Variants in NCKAP5 observed in about 807,000 individuals in gnomAD.
NCKAP5 encodes NCK associated protein 5, also known as nck-associated protein 5.
Under a neutral mutation model 167.0 loss-of-function variants are expected in NCKAP5, and 92 were observed. That is an observed-to-expected ratio of 0.55 (90% confidence interval 0.47 to 0.66). The LOEUF (loss-of-function observed/expected upper bound fraction) is 0.66, where lower values mean the gene tolerates loss of function less well. NCKAP5 is among the 30% of genes least tolerant of loss of function. The probability of loss-of-function intolerance (pLI) is 0.00; values close to 1 mark genes in which losing one functional copy is unlikely to be tolerated. For synonymous variants in NCKAP5, 891 were observed against 877.4 expected (o/e 1.02, Z -0.27); for missense variants, 2,378 against 2,315.0 (o/e 1.03, Z -0.56).
intron 8 of NCKAP5, among the ~76,000 whole-genome samples, chr2:132,894,843 A>G (rs1247417011): frequency 6.6e-6 from 1 of 152,120 alleles, no homozygotes; most frequent in Non-Finnish European, 1.5e-5. Flanking sequence ...GGTGAGCAGC[A>G]GTGGCTCAGG....
chr2:133,532,441 C>G (rs1227228464), intron 2 of NCKAP5, among the ~76,000 whole-genome samples: 1 of 152,160 alleles, frequency 6.6e-6, no homozygotes, highest in Non-Finnish European at 1.5e-5. Flanking sequence ...TGTACTGTAG[C>G]AATTTATACT....
chr2:133,144,374 T>C (rs1220112007), intron 5 of NCKAP5, among the ~76,000 whole-genome samples: 3 of 152,108 alleles, frequency 2.0e-5, no homozygotes, highest in Admixed American at 6.6e-5. Context: ...CAGCCATAGT[T>C]TGTGGACTCC....
At chr2:133,425,003 T>C (rs926587704) in intron 3 of NCKAP5, among the ~76,000 whole-genome samples, 3 of 152,228 alleles carry the variant, frequency 2.0e-5, no homozygotes, top group East Asian at 3.8e-4. Context: ...GAGAAGGCCA[T>C]AAAATATAGT....
chr2:133,222,399 T>C (rs2086694750), intron 4 of NCKAP5, among the ~76,000 whole-genome samples: 1 of 152,148 alleles, frequency 6.6e-6, no homozygotes, highest in Admixed American at 6.5e-5. Context: ...GTAACAAAAA[T>C]GACATCTGGA....
chr2:133,049,001 C>A (rs1466535890), intron 6 of NCKAP5, among the ~76,000 whole-genome samples: 1 of 152,144 alleles, frequency 6.6e-6, no homozygotes, highest in Admixed American at 6.5e-5. Flanking sequence ...AAACACACTA[C>A]GATCAACCAG....
intron 6 of NCKAP5, among the ~76,000 whole-genome samples, chr2:133,115,717 T>C (rs890705873): frequency 6.8e-6 from 1 of 146,394 alleles, no homozygotes; most frequent in Non-Finnish European, 1.5e-5. Context: ...TGTGTGGACA[T>C]ACACACATGT....
At chr2:132,693,018 C>T (rs1323917369) in intron 19 of NCKAP5, among the ~76,000 whole-genome samples, 3 of 152,166 alleles carry the variant, frequency 2.0e-5, no homozygotes, top group Non-Finnish European at 1.5e-5. Context: ...ACTGGCCTAC[C>T]AACTATTTCT....
chr2:133,452,774 C>T (rs2151202646), intron 3 of NCKAP5, among the ~76,000 whole-genome samples: 1 of 152,292 alleles, frequency 6.6e-6, no homozygotes, highest in South Asian at 2.1e-4. Context: ...CTTGTTTTTA[C>T]ATGCCCTCCC....
the NCKAP5 span, among the ~76,000 whole-genome samples, chr2:133,611,827 T>C: frequency 6.6e-6 from 1 of 152,178 alleles, no homozygotes; most frequent in Non-Finnish European, 1.5e-5. Flanking sequence ...TTCTCTTTTA[T>C]AGATGGGACA....
At chr2:132,760,224 T>A (rs1680886595) in intron 16 of NCKAP5, among the ~76,000 whole-genome samples, 1 of 152,164 alleles carries the variant, frequency 6.6e-6, no homozygotes, top group Non-Finnish European at 1.5e-5. Context: ...CAGATCTTCC[T>A]GAGATCATTC....
chr2:133,530,723 G>T (rs1050891761), intron 2 of NCKAP5, among the ~76,000 whole-genome samples: 10 of 152,124 alleles, frequency 6.6e-5, no homozygotes, highest in Non-Finnish European at 1.5e-4. Flanking sequence ...ATAGAATGTG[G>T]CAAAAGGGAA....
chr2:133,012,687 C>T lies in NCKAP5; in HGVS notation c.342-18448G>A, dbSNP rs77952336. Among the ~76,000 whole-genome samples the T allele has an allele frequency of 2.2e-3, 331 of 152,232 alleles. 3 individuals carry two copies. Among genetic ancestry groups the T allele is most frequent in the Admixed American group, 0.017 (253 of 15,294 alleles). ...ATGACTGCCTTCTCCAGAGTCTTCT[C>T]CTTCCTATCTCAGTTCCTACTTCCC... On this transcript the variant is annotated intron_variant, in intron 6 of 19. Coordinates refer to ENST00000409261, the MANE Select transcript of NCKAP5 (RefSeq NM_207363.3).
intron 3 of NCKAP5, among the ~76,000 whole-genome samples, chr2:133,364,430 A>C (rs894670235): frequency 2.0e-5 from 3 of 152,154 alleles, no homozygotes; most frequent in African/African-American, 7.2e-5. Context: ...ATAGTACAGA[A>C]TTCTCTTTAT....
chr2:133,402,081 TTAA>T (rs138735063), intron 3 of NCKAP5, among the ~76,000 whole-genome samples: 7,333 of 152,226 alleles, frequency 0.048, 241 homozygotes, highest in South Asian at 0.13. Context: ...TCTTCCTAAA[TTAA>T]TAATCTCTGA....
intron 6 of NCKAP5, among the ~76,000 whole-genome samples, chr2:133,019,309 T>G (rs1350625787): frequency 6.6e-6 from 1 of 152,138 alleles, no homozygotes; most frequent in Non-Finnish European, 1.5e-5. Context: ...AAGCGAAAAT[T>G]AATCAATAGG....
intron 2 of NCKAP5, among the ~76,000 whole-genome samples, chr2:133,531,504 T>C (rs1406358782): frequency 7.1e-6 from 1 of 140,864 alleles, no homozygotes; most frequent in Non-Finnish European, 1.5e-5. Context: ...CTAAATGTGC[T>C]TATTTTTTTC....
intron 6 of NCKAP5, among the ~76,000 whole-genome samples, chr2:133,089,539 C>A (rs1489627585): frequency 6.6e-6 from 1 of 152,080 alleles, no homozygotes; most frequent in African/African-American, 2.4e-5. Context: ...CATAGTCTAC[C>A]AAAATGGTGA....
At chr2:133,584,996 G>GAA in the NCKAP5 span, among the ~76,000 whole-genome samples, 7 of 82,972 alleles carry the variant, frequency 8.4e-5, no homozygotes, top group East Asian at 2.3e-3. Context: ...GAAGGAAGGA[G>GAA]GGAAAGAAAG....
At chr2:133,627,542 A>G in the NCKAP5 span, among the ~76,000 whole-genome samples, 1 of 152,190 alleles carries the variant, frequency 6.6e-6, no homozygotes, top group Non-Finnish European at 1.5e-5. Flanking sequence ...GGGGAGATCG[A>G]GGCAGGTGGA....
Sources: allele counts gnomAD v4.1 joint callset (sites outside exome capture counted in the v4.1 genomes callset), GRCh38; gene constraint gnomAD v4.1.1; transcripts MANE v1.5; gene names NCBI Gene and HGNC (gene_info 2026-07-23, HGNC 2026-07-21).